The following HS3ST4 variants were observed in gnomAD, a reference collection of about 807,000 sequenced individuals.
The protein encoded by HS3ST4 is heparan sulfate glucosamine 3-O-sulfotransferase 4.
A neutral mutation model predicts 29.2 loss-of-function variants in HS3ST4; 17 were observed. The ratio of observed to expected loss-of-function variants is 0.58; its 90% CI spans 0.40 to 0.87. HS3ST4 has a LOEUF of 0.87. Ranked by LOEUF, HS3ST4 falls within the 40% of genes least tolerant of loss-of-function variation. The pLI is 0.00. For missense variants in HS3ST4, 627 were observed against 634.5 expected (o/e 0.99, Z 0.13); for synonymous variants, 314 against 285.7 (o/e 1.10, Z -1.00).
chr16:25,829,944 C>T (rs1967276402), intron 1 of HS3ST4, among the ~76,000 whole-genome samples: 1 of 152,148 alleles, frequency 6.6e-6, no homozygotes, highest in South Asian at 2.1e-4. Context: ...CCACCTCAGC[C>T]TCCCAAGTAG....
chr16:25,718,936 G>A (rs564281192), intron 1 of HS3ST4, among the ~76,000 whole-genome samples: 1 of 152,166 alleles, frequency 6.6e-6, no homozygotes, highest in African/African-American at 2.4e-5. Flanking sequence ...GCTTGTAAAG[G>A]ATGCAAAGAC....
At chr16:26,128,307 C>T (rs1245846445) in intron 1 of HS3ST4, among the ~76,000 whole-genome samples, 4 of 152,156 alleles carry the variant, frequency 2.6e-5, no homozygotes, top group Non-Finnish European at 5.9e-5. Flanking sequence ...AACATATACC[C>T]CATAGTTGGT....
chr16:25,924,970 A>G (rs1032547882), intron 1 of HS3ST4, among the ~76,000 whole-genome samples: 1 of 152,108 alleles, frequency 6.6e-6, no homozygotes, highest in African/African-American at 2.4e-5. Context: ...TGCTTAAGCA[A>G]CACGTAGGAA....
At chr16:25,973,804 G>A (rs559837049) in intron 1 of HS3ST4, among the ~76,000 whole-genome samples, 18 of 152,150 alleles carry the variant, frequency 1.2e-4, no homozygotes, top group South Asian at 4.1e-4. Context: ...TATAGGTGAG[G>A]AAACTGAGAC....
chr16:25,692,950 A>T lies in HS3ST4; in HGVS notation c.533A>T (p.Asn178Ile), dbSNP rs772962156. 1.2e-6 allele frequency: 2 copies of T among 1,610,080 alleles called. No homozygotes were observed. The highest frequency in any genetic ancestry group is 1.7e-6 in the Non-Finnish European group (2 of 1,178,934). Residue 178 changes from asparagine to isoleucine, a missense_variant, in exon 1 of 2, where the codon AAC becomes ATC. By Grantham distance (149) the Asn-to-Ile change is moderately radical. Coordinates refer to ENST00000331351, the MANE Select transcript of HS3ST4 (RefSeq NM_006040.3). ...DEDLAGRRAA[N>I]GSSERGGAVS... ...GATCTCGCAGGCCGGAGAGCGGCCA[A>T]CGGGAGCAGCGAGAGGGGCGGCGCC...
intron 1 of HS3ST4, among the ~76,000 whole-genome samples, chr16:26,074,998 G>A (rs1005761458): frequency 2.0e-5 from 3 of 152,140 alleles, no homozygotes; most frequent in Non-Finnish European, 4.4e-5. Flanking sequence ...ATCGAGGCCA[G>A]CCTGGCTGAC....
At chr16:25,746,370 A>G (rs1966685294) in intron 1 of HS3ST4, among the ~76,000 whole-genome samples, 1 of 152,176 alleles carries the variant, frequency 6.6e-6, no homozygotes. Context: ...TTTCCAAACA[A>G]ATAATGGGAT....
intron 1 of HS3ST4, among the ~76,000 whole-genome samples, chr16:26,073,222 A>G (rs1038327624): frequency 1.3e-5 from 2 of 152,230 alleles, no homozygotes; most frequent in Non-Finnish European, 2.9e-5. Context: ...TTTAGAAAGA[A>G]TGCAGCCCCC....
intron 1 of HS3ST4, among the ~76,000 whole-genome samples, chr16:25,973,964 A>G (rs59309889): frequency 0.02 from 3,111 of 152,288 alleles, 118 homozygotes; most frequent in African/African-American, 0.072. Flanking sequence ...CTATCAGAGT[A>G]AAATAAATGT....
intron 1 of HS3ST4, among the ~76,000 whole-genome samples, chr16:25,791,797 A>T (rs549437515): frequency 6.6e-6 from 1 of 152,074 alleles, no homozygotes; most frequent in Non-Finnish European, 1.5e-5. Context: ...TATTTCCTGT[A>T]TATAAGCCAG....
intron 1 of HS3ST4, among the ~76,000 whole-genome samples, chr16:25,772,424 C>A (rs569877801): frequency 1.2e-3 from 179 of 152,116 alleles, no homozygotes; most frequent in African/African-American, 4.1e-3. Context: ...CTGTGTGATC[C>A]CGGGTAAGTT....
intron 1 of HS3ST4, among the ~76,000 whole-genome samples, chr16:25,769,403 G>A (rs540182315): frequency 2.7e-4 from 41 of 152,230 alleles, no homozygotes; most frequent in African/African-American, 7.9e-4. Flanking sequence ...AAAGTAGTCC[G>A]TAGCTAACAG....
intron 1 of HS3ST4, among the ~76,000 whole-genome samples, chr16:25,884,231 T>C (rs1271694429): frequency 6.6e-6 from 1 of 151,970 alleles, no homozygotes; most frequent in Admixed American, 6.6e-5. Flanking sequence ...AAAAAGGAGA[T>C]GAATTGAAGG....
intron 1 of HS3ST4, among the ~76,000 whole-genome samples, chr16:25,704,766 C>T (rs1400383215): frequency 2.0e-5 from 3 of 151,746 alleles, no homozygotes; most frequent in South Asian, 4.2e-4. Flanking sequence ...GTAATCCCAG[C>T]TACTGGGGAG....
intron 1 of HS3ST4, among the ~76,000 whole-genome samples, chr16:26,052,097 T>C (rs1898355342): frequency 6.6e-6 from 1 of 151,950 alleles, no homozygotes; most frequent in Non-Finnish European, 1.5e-5. Flanking sequence ...TGACTATAGA[T>C]CATAAGATCC....
intron 1 of HS3ST4, among the ~76,000 whole-genome samples, chr16:25,877,804 G>A (rs1967848485): frequency 1.3e-5 from 2 of 152,180 alleles, no homozygotes. Context: ...GTTCTTCCTT[G>A]TATAACACTG....
chr16:25,838,632 C>G (rs1236229357), intron 1 of HS3ST4, among the ~76,000 whole-genome samples: 2 of 152,180 alleles, frequency 1.3e-5, no homozygotes, highest in Non-Finnish European at 2.9e-5. Flanking sequence ...TTCTCACGCT[C>G]TGTCTTTAGA....
chr16:25,728,339 G>A (rs1966550659), intron 1 of HS3ST4, among the ~76,000 whole-genome samples: 1 of 152,150 alleles, frequency 6.6e-6, no homozygotes, highest in Non-Finnish European at 1.5e-5. Context: ...AGCTTTTAGA[G>A]TAATTCTGAC....
At position 25,692,753 on chromosome 16, in the gene HS3ST4, C is replaced by G. The variant is rs1055742553; in HGVS notation, c.336C>G (p.Pro112=). ...ACAACGCGAGCCACGGGGAGCCGCC[C>G]GAGCCCCCAGAGCAGCCAGCCGCCC... is the stretch of plus-strand genomic sequence containing the variant. ...PLDNASHGEP[P]EPPEQPAAPG... The change falls in exon 1 of 2, where the codon CCC becomes CCG. Residue 112 remains proline, a synonymous_variant. Coordinates refer to ENST00000331351, the MANE Select transcript of HS3ST4 (RefSeq NM_006040.3). 30 of 1,303,948 alleles carry G rather than the reference C, an allele frequency of 2.3e-5. No individual in the cohort carries two copies. Among genetic ancestry groups the G allele is most frequent in the Admixed American group, 3.6e-5 (1 of 28,014 alleles). 80.8% of individuals were successfully genotyped at this position (1,303,948 alleles called of 1,614,324 possible).
Sources: allele counts gnomAD v4.1 joint callset (sites outside exome capture counted in the v4.1 genomes callset), GRCh38; gene constraint gnomAD v4.1.1; transcripts MANE v1.5; gene names NCBI Gene and HGNC (gene_info 2026-07-23, HGNC 2026-07-21).